POLR3B: variants seen among roughly 807,000 people sequenced by gnomAD.
The protein encoded by POLR3B is RNA polymerase III subunit B.
In POLR3B, 96 loss-of-function variants were observed where a neutral mutation model predicts 147.4. That is an observed-to-expected ratio of 0.65 (90% CI 0.55 to 0.77). POLR3B has a LOEUF of 0.77. Among genes scored for constraint, POLR3B ranks in the 30% least tolerant of loss-of-function variants. The probability of loss-of-function intolerance (pLI) is 0.00; values close to 1 mark genes in which losing one functional copy is unlikely to be tolerated. For missense variants in POLR3B, 1,036 were observed against 1,413.5 expected, an observed-to-expected ratio of 0.73 and a Z score of 4.28; for synonymous variants, 461 against 485.9, an observed-to-expected ratio of 0.95 and a Z score of 0.67.
intron 9 of POLR3B, chr12:106,382,044 G>A (rs1358568977): frequency 6.6e-6 from 1 of 152,234 alleles, no homozygotes; most frequent in Non-Finnish European, 1.5e-5. Flanking sequence ...GTTTTGGTGG[G>A]TTTTGGCTGG....
At chr12:106,454,440 T>C (rs760269486) in intron 19 of POLR3B, 62 bp from the exon 20 acceptor site, 1 of 827,694 alleles carries the variant, frequency 1.2e-6, no homozygotes, top group Non-Finnish European at 2.1e-6. Flanking sequence ...TCTATATTCA[T>C]TACTACCTTA....
chr12:106,380,212 T>G, intron 9 of POLR3B, 73 bp downstream of exon 9: 1 of 854,114 alleles, frequency 1.2e-6, no homozygotes, highest in Non-Finnish European at 2.0e-6. Context: ...AATTAGAGAT[T>G]TGGAGGGTAA....
intron 9 of POLR3B, among the ~76,000 whole-genome samples, chr12:106,386,127 C>T (rs57723496): frequency 0.012 from 1,823 of 152,172 alleles, 38 homozygotes; most frequent in African/African-American, 0.042. Flanking sequence ...GGGTGGATCA[C>T]TTGAGGTCAG....
In POLR3B at chr12:106,504,052, A is replaced by G. The variant is rs2038647322; in HGVS notation, c.3099-29A>G. On this transcript the variant is annotated intron_variant, in intron 26 of 27. Coordinates refer to ENST00000228347, the MANE Select transcript of POLR3B (RefSeq NM_018082.6). The surrounding 1 kb of genome is among the most constrained non-coding windows in gnomAD (Gnocchi z 4.6). ...TCTTTGTTTGTTTAACAGAATAATA[A>G]CACATTTGTCTAATAACTTGTTTCA... 1 of 1,604,966 alleles carries G rather than the reference A, an allele frequency of 6.2e-7. No homozygotes were observed. The highest frequency in any genetic ancestry group is 1.7e-5 in the Admixed American group (1 of 59,988).
At chr12:106,463,366 A>T in intron 22 of POLR3B, 112 bp from the exon 23 acceptor site, 1 of 924,972 alleles carries the variant, frequency 1.1e-6, no homozygotes, top group Non-Finnish European at 1.7e-6. Flanking sequence ...AGAGCCCAAG[A>T]TGAAAATGTC....
chr12:106,488,196 A>G (rs2038366250), intron 23 of POLR3B, among the ~76,000 whole-genome samples: 1 of 152,222 alleles, frequency 6.6e-6, no homozygotes, highest in South Asian at 2.1e-4. Flanking sequence ...GAGACATTCA[A>G]AGAATCTTAA....
Position 106,509,891 on chromosome 12 carries a change from G to A in POLR3B, c.*342G>A. On this transcript the variant is annotated 3_prime_UTR_variant, in exon 28 of 28. Transcript: ENST00000228347. ...CTTACTCCTTCAAGCAAATGTTTGG[G>A]GTCAAATTTACCATATCTTCTGGCT... The A allele has an allele frequency of 8.9e-6, 2 of 224,656 alleles. No individual in the cohort carries two copies. The highest frequency in any genetic ancestry group is 1.0e-4 in the East Asian group (1 of 9,726). The allele number at this position is 224,656 out of a possible 1,614,324, so 13.9% of individuals were successfully genotyped here.
rs1448537695 is a variant in POLR3B, at chr12:106,357,908, A to G, written c.29A>G (p.Asn10Ser). The change falls in exon 1 of 28, where the codon AAC becomes AGC. Residue 10 changes from asparagine to serine, a missense_variant. Coordinates refer to ENST00000228347, the MANE Select transcript of POLR3B (RefSeq NM_018082.6). ...GACGTGCTAGCGGAGGAGTTTGGGAACCTGACTCCGGAGCAGCTGGCGGCG... is the reference window on the plus strand; with the variant it reads ...GACGTGCTAGCGGAGGAGTTTGGGAGCCTGACTCCGGAGCAGCTGGCGGCG... Reference protein sequence around the residue: MDVLAEEFGNLTPEQLAAPI... With the variant: MDVLAEEFGSLTPEQLAAPI... 1 of 1,613,440 alleles carries G rather than the reference A, an allele frequency of 6.2e-7. No individual in the cohort carries two copies. Among genetic ancestry groups the G allele is most frequent in the Non-Finnish European group, 8.5e-7 (1 of 1,179,962 alleles).
At chr12:106,387,080 C>A (rs1208183318) in intron 9 of POLR3B, among the ~76,000 whole-genome samples, 1 of 152,288 alleles carries the variant, frequency 6.6e-6, no homozygotes, top group South Asian at 2.1e-4. Context: ...AGACTTCTCC[C>A]TTTCTGATTA....
chr12:106,509,665 TAAAA>T lies in POLR3B; in HGVS notation c.*117_*120del. ...AGAATTCCCTTGCGTATTCTCTCTC[TAAAA>T]CAACCAAAAAAAAATGGAGAGGCTT... On this transcript the variant is annotated 3_prime_UTR_variant, in exon 28 of 28. Coordinates refer to ENST00000228347, the MANE Select transcript of POLR3B (RefSeq NM_018082.6). 2 of 958,140 alleles carry T rather than the reference TAAAA, an allele frequency of 2.1e-6. No homozygotes were observed. The highest frequency in any genetic ancestry group is 1.6e-6 in the Non-Finnish European group (1 of 626,844). The allele number at this position is 958,140 out of a possible 1,614,324, so 59.4% of individuals were successfully genotyped here. A position where few individuals can be genotyped will look rare whatever the true frequency, so the allele number is the denominator to read the frequency against.
chr12:106,357,982 G>T (rs770548385), intron 1 of POLR3B, 31 bp downstream of exon 1: 2 of 1,609,068 alleles, frequency 1.2e-6, no homozygotes, highest in South Asian at 1.1e-5. Context: ...GAGCGTCAGG[G>T]ACAAGGATGC....
Position 106,357,824 on chromosome 12 carries a change from G to A in POLR3B, c.-56G>A, listed in dbSNP as rs2036405981. Reference sequence around the variant, plus strand: ...CGCCGGGAGTCTTGCAGTTTGCTTGGTGCAGGGAAGGCGGGCGCGGAGGTT... The same window carrying A: ...CGCCGGGAGTCTTGCAGTTTGCTTGATGCAGGGAAGGCGGGCGCGGAGGTT... On this transcript the variant is annotated 5_prime_UTR_variant, in exon 1 of 28. It adds an upstream start codon to the 5' untranslated region. Transcript: ENST00000228347. 2 of 1,550,684 alleles carry A rather than the reference G, an allele frequency of 1.3e-6. No individual in the cohort carries two copies. The highest frequency in any genetic ancestry group is 1.4e-5 in the African/African-American group (1 of 73,922).
rs1487513617 is a variant in POLR3B at position 106,463,514 on chromosome 12, G to T, written c.2607G>T (p.Val869=). 2.5e-6 allele frequency: 4 copies of T among 1,613,052 alleles called. No individual in the cohort carries two copies. Among genetic ancestry groups the T allele is most frequent in the Admixed American group, 1.7e-5 (1 of 60,012 alleles). Residue 869 remains valine (V), a synonymous_variant, in exon 23 of 28, where the codon GTG becomes GTT. Transcript: ENST00000228347. The part of the protein sequence containing the change: ...KGATDSYIEK[V]MISSNAEDAF... ...CAACAGACTCATATATTGAAAAAGT[G>T]ATGATATCTTCAAATGCTGAAGATG...
Position 106,504,771 on chromosome 12 carries a change from C to T in POLR3B, c.3272+517C>T, listed in dbSNP as rs1046032024. ...CTCTGCCATGGCTAGCTGCTTCACACTTGTACTGTAGATTCTGTGAGGGCA... is the reference window on the plus strand; with the variant it reads ...CTCTGCCATGGCTAGCTGCTTCACATTTGTACTGTAGATTCTGTGAGGGCA... On this transcript the variant is annotated intron_variant, in intron 27 of 27. Transcript: ENST00000228347. This position sits in a 1 kb window ranked among gnomAD's most constrained non-coding sequence, Gnocchi z 4.6. Among the ~76,000 whole-genome samples the T allele has an allele frequency of 3.3e-5, 5 of 152,212 alleles. No homozygotes were observed. Among genetic ancestry groups the T allele is most frequent in the African/African-American group, 1.2e-4 (5 of 41,452 alleles).
intron 12 of POLR3B, among the ~76,000 whole-genome samples, chr12:106,420,248 T>C (rs1001954801): frequency 4.6e-5 from 7 of 152,156 alleles, no homozygotes; most frequent in African/African-American, 1.7e-4. Context: ...CACCTCTCAA[T>C]GTTTGCTTCA....
intron 9 of POLR3B, among the ~76,000 whole-genome samples, chr12:106,384,801 A>G (rs554916567): frequency 5.9e-5 from 9 of 152,056 alleles, no homozygotes; most frequent in African/African-American, 1.9e-4. Context: ...GCTAACTTCA[A>G]AGTTAACTAA....
intron 24 of POLR3B, 124 bp from the exon 25 acceptor site, chr12:106,496,628 A>T: frequency 2.4e-6 from 2 of 838,266 alleles, no homozygotes; most frequent in Non-Finnish European, 3.9e-6. Flanking sequence ...AAGCTTAAAT[A>T]CTGCTTCTAT....
At position 106,393,055 on chromosome 12, in the gene POLR3B, G is replaced by A; in HGVS notation, c.748G>A (p.Glu250Lys). Residue 250 changes from glutamate to lysine, a missense_variant, in exon 10 of 28, where the codon GAA (glutamate) becomes AAA (lysine). This residue lies in a region of POLR3B where 217 missense variants were observed against 288.7 expected (regional missense o/e 0.75). Coordinates refer to ENST00000228347, the MANE Select transcript of POLR3B (RefSeq NM_018082.6). The stretch of plus-strand genomic sequence containing the variant: ...GGCCATGGGTGTTGAGAGTGACCAG[G>A]AAATTGTGCAGATGATTGGAACAGA... ...FKAMGVESDQ[E>K]IVQMIGTEEH... The A allele has an allele frequency of 6.2e-7, 1 of 1,614,204 alleles. No individual in the cohort carries two copies. The highest frequency in any genetic ancestry group is 2.2e-5 in the East Asian group (1 of 44,884).
chr12:106,471,781 C>T (rs1490439519), intron 23 of POLR3B, among the ~76,000 whole-genome samples: 1 of 151,816 alleles, frequency 6.6e-6, no homozygotes, highest in Non-Finnish European at 1.5e-5. Context: ...GAGGTAGATT[C>T]TCTACTGTTG....
Sources: allele counts gnomAD v4.1 joint callset (sites outside exome capture counted in the v4.1 genomes callset), GRCh38; gene constraint gnomAD v4.1.1; regional missense constraint gnomAD v4.1.1; non-coding constraint Gnocchi (gnomAD v3.1); transcripts MANE v1.5; gene names NCBI Gene and HGNC (gene_info 2026-07-23, HGNC 2026-07-21).